The following CNTNAP2 variants were observed in gnomAD, a reference collection of about 807,000 sequenced individuals.
The protein encoded by CNTNAP2 is contactin associated protein 2.
A neutral mutation model predicts 155.2 loss-of-function variants in CNTNAP2; 98 were observed. The observed-to-expected ratio is 0.63, with a 90% CI of 0.54 to 0.75. CNTNAP2 has a LOEUF of 0.75. CNTNAP2 is among the 30% of genes least tolerant of loss of function. The probability of loss-of-function intolerance (pLI) is 0.00; values close to 1 mark genes in which losing one functional copy is unlikely to be tolerated. For missense variants in CNTNAP2, 1,727 were observed against 1,688.1 expected (o/e 1.02, Z -0.40); for synonymous variants, 651 against 631.2 (o/e 1.03, Z -0.47).
At chr7:147,906,752 G>A (rs189729010) in intron 14 of CNTNAP2, among the ~76,000 whole-genome samples, 31 of 152,172 alleles carry the variant, frequency 2.0e-4, no homozygotes, top group African/African-American at 7.5e-4. Context: ...GAGCCACGGC[G>A]CCCAGTCACA....
Position 148,147,680 on chromosome 7 carries a change from G to T in CNTNAP2, c.2744G>T (p.Arg915Leu), listed in dbSNP as rs369919189. The change falls in exon 17 of 24, where the codon CGC (arginine) becomes CTC (leucine). Residue 915 changes from arginine (R) to leucine (L), a missense_variant. Transcript: ENST00000361727. ...IRKAPTEGHT[R>L]LELYSQLFVG... ...AAGGCCCCAACAGAAGGCCACACCC[G>T]CCTGGAGCTCTACAGCCAGTTATTT... 4.6e-5 allele frequency: 75 copies of T among 1,613,560 alleles called. No homozygotes were observed. The highest frequency in any genetic ancestry group is 5.7e-5 in the Non-Finnish European group (67 of 1,180,002).
chr7:147,242,333 G>C (rs1803956454), intron 8 of CNTNAP2, among the ~76,000 whole-genome samples: 1 of 152,134 alleles, frequency 6.6e-6, no homozygotes, highest in Non-Finnish European at 1.5e-5. Context: ...GCCAAGTTTA[G>C]ACTACATTAA....
intron 1 of CNTNAP2, among the ~76,000 whole-genome samples, chr7:146,735,623 C>G (rs1003925646): frequency 2.1e-5 from 3 of 140,092 alleles, no homozygotes; most frequent in African/African-American, 1.0e-4. Flanking sequence ...TACATTGTGG[C>G]TATACACCTC....
In CNTNAP2 at chr7:146,951,211, T is replaced by G. The variant is rs151245266; in HGVS notation, c.403-92696T>G. Among the ~76,000 whole-genome samples the G allele has an allele frequency of 5.6e-3, 849 of 152,310 alleles. 8 individuals carry two copies. The highest frequency in any genetic ancestry group is 0.019 in the African/African-American group (799 of 41,572). ...GGATATTAGCCCTTTGTCAGATGGA[T>G]AGATTGCAGAATTTTTCTCCCATTC... On this transcript the variant is annotated intron_variant, in intron 3 of 23. Transcript: ENST00000361727.
chr7:147,857,311 A>C (rs1365770380), intron 13 of CNTNAP2, among the ~76,000 whole-genome samples: 1 of 152,172 alleles, frequency 6.6e-6, no homozygotes, highest in Non-Finnish European at 1.5e-5. Context: ...TAGTTGTTTT[A>C]CTACATTTGA....
intron 1 of CNTNAP2, among the ~76,000 whole-genome samples, chr7:146,346,434 C>T (rs1794819946): frequency 6.6e-6 from 1 of 152,174 alleles, no homozygotes. Flanking sequence ...ATAATCCCAG[C>T]ACTTTGGGAG....
chr7:148,086,639 T>G (rs1398665240), intron 15 of CNTNAP2, among the ~76,000 whole-genome samples: 2 of 152,246 alleles, frequency 1.3e-5, no homozygotes, highest in Admixed American at 6.5e-5. Flanking sequence ...AGTCTTTTCC[T>G]GGGTTATATT....
chr7:147,093,856 A>G (rs1055998356), intron 4 of CNTNAP2, among the ~76,000 whole-genome samples: 1 of 152,194 alleles, frequency 6.6e-6, no homozygotes, highest in Non-Finnish European at 1.5e-5. Context: ...CGAAAATACA[A>G]TGTGGGACAC....
At chr7:147,426,169 C>A (rs1797374451) in intron 10 of CNTNAP2, among the ~76,000 whole-genome samples, 1 of 150,322 alleles carries the variant, frequency 6.7e-6, no homozygotes, top group African/African-American at 2.5e-5. Flanking sequence ...TACCTTTAAG[C>A]TGGCCAAATG....
At chr7:146,120,540 A>AT (rs1435627175) in intron 1 of CNTNAP2, among the ~76,000 whole-genome samples, 3 of 152,160 alleles carry the variant, frequency 2.0e-5, no homozygotes, top group African/African-American at 7.2e-5. Flanking sequence ...ACAACGTATC[A>AT]TTTTAGATGA....
At chr7:146,215,578 A>C (rs560296772) in intron 1 of CNTNAP2, among the ~76,000 whole-genome samples, 1 of 151,416 alleles carries the variant, frequency 6.6e-6, no homozygotes, top group African/African-American at 2.4e-5. Flanking sequence ...CTTATGAAAA[A>C]CCATATATAT....
intron 1 of CNTNAP2, among the ~76,000 whole-genome samples, chr7:146,593,331 A>G (rs1014390199): frequency 6.6e-6 from 1 of 151,978 alleles, no homozygotes; most frequent in Non-Finnish European, 1.5e-5. Context: ...TATATGGTTC[A>G]TGTTGAACCA....
At chr7:148,347,512 T>A (rs1408808551) in intron 21 of CNTNAP2, among the ~76,000 whole-genome samples, 1 of 151,772 alleles carries the variant, frequency 6.6e-6, no homozygotes, top group Non-Finnish European at 1.5e-5. Flanking sequence ...CTCTTTGACC[T>A]TTTTTTTACT....
At chr7:146,428,683 C>T (rs917136884) in intron 1 of CNTNAP2, among the ~76,000 whole-genome samples, 2 of 151,512 alleles carry the variant, frequency 1.3e-5, no homozygotes, top group Non-Finnish European at 2.9e-5. Flanking sequence ...CAAAAATCTT[C>T]TCCCATTTTG....
chr7:146,677,599 T>G (rs1049538593), intron 1 of CNTNAP2, among the ~76,000 whole-genome samples: 5 of 152,136 alleles, frequency 3.3e-5, no homozygotes, highest in African/African-American at 4.8e-5. Flanking sequence ...CCTCCCTCTC[T>G]CTGTCCTCTA....
chr7:147,131,601 A>G (rs367672537), intron 7 of CNTNAP2, among the ~76,000 whole-genome samples: 1 of 152,062 alleles, frequency 6.6e-6, no homozygotes, highest in East Asian at 1.9e-4. Context: ...ATTGTGATAT[A>G]AGCACAATTC....
chr7:147,058,310 A>G (rs538340537), intron 4 of CNTNAP2, among the ~76,000 whole-genome samples: 1 of 152,328 alleles, frequency 6.6e-6, no homozygotes, highest in South Asian at 2.1e-4. Flanking sequence ...GTAGACATTC[A>G]AAACAATATA....
chr7:146,547,305 T>G (rs538284267), intron 1 of CNTNAP2, among the ~76,000 whole-genome samples: 1 of 152,164 alleles, frequency 6.6e-6, no homozygotes, highest in East Asian at 1.9e-4. Flanking sequence ...ATTTACACAT[T>G]GGAAGCCATT....
intron 1 of CNTNAP2, among the ~76,000 whole-genome samples, chr7:146,347,848 G>A (rs1393069074): frequency 1.3e-5 from 2 of 152,166 alleles, no homozygotes; most frequent in African/African-American, 2.4e-5. Flanking sequence ...TTACAGGTGT[G>A]AGCCACGCAT....
Sources: gnomAD v4.1 joint callset for allele counts (sites outside exome capture counted in the v4.1 genomes callset) on GRCh38, gnomAD v4.1.1 for gene constraint, MANE v1.5 for transcripts, NCBI Gene and HGNC (gene_info 2026-07-23, HGNC 2026-07-21) for gene names.